Variants in MRPL16 observed in about 807,000 individuals in gnomAD.
MRPL16 encodes the protein mitochondrial ribosomal protein L16.
A neutral mutation model predicts 22.7 loss-of-function variants in MRPL16; 17 were observed. The ratio of observed to expected loss-of-function variants is 0.75; its 90% confidence interval spans 0.51 to 1.12. The LOEUF is 1.12. Among genes scored for constraint, MRPL16 ranks in the 50% most tolerant of loss-of-function variants. MRPL16 has a pLI of 0.00. For synonymous variants in MRPL16, 103 were observed against 112.8 expected (o/e 0.91, Z 0.55); for missense variants, 316 against 328.7 (o/e 0.96, Z 0.30).
At position 59,807,730 on chromosome 11, in the gene MRPL16, C is replaced by G; in HGVS notation, c.241G>C (p.Glu81Gln). 12 of 1,612,386 alleles carry G rather than the reference C, an allele frequency of 7.4e-6. No homozygotes were observed. Among genetic ancestry groups the G allele is most frequent in the African/African-American group, 1.3e-5 (1 of 74,960 alleles). Residue 81 changes from glutamate (E) to glutamine (Q), a missense_variant, in exon 3 of 4, where the codon GAG (glutamate) becomes CAG (glutamine). Coordinates refer to ENST00000300151, the MANE Select transcript of MRPL16 (RefSeq NM_017840.4). Reference sequence around the variant, plus strand: ...ATTGCAAAATTGCCTTCTGTAAACTCCGTAGCTTCAGTGGAAGGTCCCCGT... The same window carrying G: ...ATTGCAAAATTGCCTTCTGTAAACTGCGTAGCTTCAGTGGAAGGTCCCCGT... Reference protein sequence around the residue: ...DIRGPSTEATEFTEGNFAILA... With the variant: ...DIRGPSTEATQFTEGNFAILA...
intron 3 of MRPL16, chr11:59,807,127 T>C (rs1866112710): frequency 8.5e-6 from 3 of 353,268 alleles, no homozygotes; most frequent in Non-Finnish European, 1.5e-5. Flanking sequence ...TAAGAAAGGC[T>C]TATGTGGAGG....
At chr11:59,808,965 T>C (rs1323829360) in intron 2 of MRPL16, 1 of 152,192 alleles carries the variant, frequency 6.6e-6, no homozygotes, top group African/African-American at 2.4e-5. Flanking sequence ...TGGAGACAAA[T>C]ACAAAATAGA....
At position 59,806,774 on chromosome 11, in the gene MRPL16, T is replaced by C. The variant is rs77109274; in HGVS notation, c.329A>G (p.Asn110Ser). The C allele has an allele frequency of 9.4e-5, 152 of 1,613,560 alleles. 1 individual carries two copies. The East Asian group carries it at 3.2e-3, about 34-fold the overall frequency. ...GHFEMMRLTI[N>S]RSMDPKNMFA... ...CATGTTCTTGGGGTCCATAGAGCGG[T>C]TGATTGTCAGGCGCATCATTTCAAA... The change falls in exon 4 of 4, where the codon AAC becomes AGC. Residue 110 changes from asparagine to serine, a missense_variant. Asn to Ser is a conservative substitution (Grantham distance 46). Transcript: ENST00000300151.
chr11:59,810,019 T>A, intron 1 of MRPL16, 99 bp from the exon 2 acceptor site: 2 of 1,035,678 alleles, frequency 1.9e-6, no homozygotes, highest in Non-Finnish European at 2.8e-6. Flanking sequence ...TTATTTTATT[T>A]TTTTGAGACG....
At chr11:59,807,672 C>T in intron 3 of MRPL16, 29 bp downstream of exon 3, 1 of 1,595,716 alleles carries the variant, frequency 6.3e-7, no homozygotes, top group African/African-American at 1.3e-5. Flanking sequence ...GCTTCCATCC[C>T]ATTGCTGCTC....
chr11:59,807,384 T>C (rs1316650424), intron 3 of MRPL16: 1 of 208,166 alleles, frequency 4.8e-6, no homozygotes, highest in Non-Finnish European at 9.5e-6. Context: ...GAAACAGCTG[T>C]CTTCCACATC....
Position 59,807,859 on chromosome 11 carries a change from G to A in MRPL16, c.122-10C>T. The A allele has an allele frequency of 6.3e-7, 1 of 1,598,740 alleles. No individual in the cohort carries two copies. The highest frequency in any genetic ancestry group is 1.1e-5 in the South Asian group (1 of 87,742). ...TCAGGAATGGAAACATCTAAAAGAA[G>A]CACAGACAACCAGGATAAAGTAAAA... On this transcript the variant is annotated splice_polypyrimidine_tract_variant and intron_variant, in intron 2 of 3. Coordinates refer to ENST00000300151, the MANE Select transcript of MRPL16 (RefSeq NM_017840.4).
intron 2 of MRPL16, chr11:59,808,712 C>T (rs894341640): frequency 6.6e-6 from 1 of 152,212 alleles, no homozygotes; most frequent in Non-Finnish European, 1.5e-5. Flanking sequence ...AGCTCTGCCA[C>T]ATTCTTGTTG....
Position 59,810,718 on chromosome 11 carries a change from A to C in MRPL16, c.-60T>G. 6.2e-7 allele frequency: 1 copy of C among 1,602,744 alleles called. No individual in the cohort carries two copies. The highest frequency in any genetic ancestry group is 8.5e-7 in the Non-Finnish European group (1 of 1,170,996). On this transcript the variant is annotated 5_prime_UTR_variant, in exon 1 of 4. Coordinates refer to ENST00000300151, the MANE Select transcript of MRPL16 (RefSeq NM_017840.4). ...GCGACTCCGGCTGTCTCCTGCACCC[A>C]GGTAAGCAGCGGCGCTCCACTACCT...
At position 59,807,820 on chromosome 11, in the gene MRPL16, T is replaced by G. The variant is rs778460167; in HGVS notation, c.151A>C (p.Arg51=). ...DVSIPEKPKL[R]FIERAPLVPK... is the part of the protein sequence containing the mutation. ...ACAAGTGGTGCCCTTTCAATAAATC[T>G]AAGCTTGGGTTTTTCAGGAATGGAA... Residue 51 remains arginine (R), a synonymous_variant, in exon 3 of 4, where the codon AGA becomes CGA. Transcript: ENST00000300151. 1.2e-6 allele frequency: 2 copies of G among 1,610,250 alleles called. No individual in the cohort carries two copies. The highest frequency in any genetic ancestry group is 8.5e-7 in the Non-Finnish European group (1 of 1,178,708).
At chr11:59,809,150 A>G (rs1480806601) in intron 2 of MRPL16, among the ~76,000 whole-genome samples, 1 of 152,122 alleles carries the variant, frequency 6.6e-6, no homozygotes, top group Non-Finnish European at 1.5e-5. Flanking sequence ...TACAGACCCT[A>G]TTCATTTTTT....
chr11:59,809,618 G>A (rs1590847923), intron 2 of MRPL16: 1 of 476,886 alleles, frequency 2.1e-6, no homozygotes, highest in East Asian at 4.3e-5. Flanking sequence ...AGGTTTTAGG[G>A]GAGCTATCTC....
At chr11:59,809,031 A>G (rs1866143520) in intron 2 of MRPL16, among the ~76,000 whole-genome samples, 1 of 152,218 alleles carries the variant, frequency 6.6e-6, no homozygotes, top group African/African-American at 2.4e-5. Flanking sequence ...CTGCCCCTCA[A>G]CTTCTATATG....
At position 59,806,399 on chromosome 11, in the gene MRPL16, A is replaced by G. The variant is rs755172701; in HGVS notation, c.704T>C (p.Leu235Ser). ...GCCCCAGTATTTCCCCTTGTGGGTC[A>G]AGTCATATGGGCTCAGTACTTTCCG... ...GIRKVLSPYD[L>S]THKGKYWGKF... Residue 235 changes from leucine to serine, a missense_variant, in exon 4 of 4, where the codon TTG becomes TCG. Transcript: ENST00000300151. The G allele has an allele frequency of 4.3e-6, 7 of 1,614,198 alleles. No homozygotes were observed. The East Asian group carries it at 1.6e-4, about 36-fold the overall frequency.
intron 3 of MRPL16, 44 bp downstream of exon 3, chr11:59,807,657 C>A: frequency 6.3e-7 from 1 of 1,576,026 alleles, no homozygotes. Context: ...TTTTGTTATT[C>A]CCTAGCTTCC....
In MRPL16 at chr11:59,807,867, A is replaced by G. The variant is rs768576824; in HGVS notation, c.122-18T>C. 9 of 1,593,534 alleles carry G rather than the reference A, an allele frequency of 5.6e-6. No homozygotes were observed. The South Asian group carries it at 1.0e-4, about 18-fold the overall frequency. On this transcript the variant is annotated intron_variant, in intron 2 of 3. Transcript: ENST00000300151. ...GGAAACATCTAAAAGAAGCACAGAC[A>G]ACCAGGATAAAGTAAAACTATACAT...
intron 2 of MRPL16, 181 bp downstream of exon 2, chr11:59,809,670 CCTTT>C: frequency 1.6e-6 from 1 of 643,538 alleles, no homozygotes; most frequent in South Asian, 1.9e-5. Context: ...TTTTTGGTTT[CCTTT>C]GTCTTTGATT....
chr11:59,810,419 C>G, intron 1 of MRPL16, 185 bp downstream of exon 1: 1 of 1,417,482 alleles, frequency 7.1e-7, no homozygotes. Flanking sequence ...GCGCCGACTC[C>G]CAGACGCAGC....
chr11:59,806,933 T>A, intron 3 of MRPL16, 101 bp from the exon 4 acceptor site: 1 of 1,461,450 alleles, frequency 6.8e-7, no homozygotes, highest in Non-Finnish European at 9.2e-7. Context: ...AATGATACAA[T>A]TGAAAATAAA....
Sources: allele counts gnomAD v4.1 joint callset (sites outside exome capture counted in the v4.1 genomes callset), GRCh38; gene constraint gnomAD v4.1.1; transcripts MANE v1.5; gene names NCBI Gene and HGNC (gene_info 2026-07-23, HGNC 2026-07-21).